SNTG1: variants seen among roughly 807,000 people sequenced by gnomAD.
The protein encoded by SNTG1 is syntrophin gamma 1, also known as gamma-1-syntrophin.
Under a neutral mutation model 74.7 loss-of-function variants are expected in SNTG1, and 39 were observed. The observed-to-expected ratio is 0.52, with a 90% CI of 0.40 to 0.68. The LOEUF is 0.68. Ranked by LOEUF, SNTG1 falls within the 30% of genes least tolerant of loss-of-function variation. The pLI is 0.00. For synonymous variants in SNTG1, 254 were observed against 217.1 expected (o/e 1.17, Z -1.49); for missense variants, 685 against 609.5 (o/e 1.12, Z -1.30).
chr8:50,221,326 G>A (rs1332467781), intron 2 of SNTG1, among the ~76,000 whole-genome samples: 2 of 151,734 alleles, frequency 1.3e-5, no homozygotes, highest in Non-Finnish European at 2.9e-5. Flanking sequence ...TGCAGTAGAG[G>A]GAAAAAATAG....
intron 1 of SNTG1, among the ~76,000 whole-genome samples, chr8:50,034,854 C>G (rs1585987588): frequency 6.6e-6 from 1 of 152,174 alleles, no homozygotes; most frequent in African/African-American, 2.4e-5. Flanking sequence ...AGTGTTTTAG[C>G]AATTCACCTC....
chr8:50,325,898 G>C (rs780412648), intron 2 of SNTG1, among the ~76,000 whole-genome samples: 1 of 151,872 alleles, frequency 6.6e-6, no homozygotes, highest in Non-Finnish European at 1.5e-5. Flanking sequence ...AGTTCAGGAG[G>C]TTTTCCTCTA....
intron 12 of SNTG1, among the ~76,000 whole-genome samples, chr8:50,554,853 T>C (rs2094446887): frequency 6.6e-6 from 1 of 152,184 alleles, no homozygotes; most frequent in African/African-American, 2.4e-5. Flanking sequence ...TATGAACTTA[T>C]ATTTGTGAGA....
intron 18 of SNTG1, among the ~76,000 whole-genome samples, chr8:50,774,634 A>G (rs1200757726): frequency 6.6e-6 from 1 of 151,902 alleles, no homozygotes; most frequent in Non-Finnish European, 1.5e-5. Context: ...TAGAAATAAT[A>G]AAAACACCAT....
chr8:50,078,232 A>G (rs1237394987), intron 1 of SNTG1, among the ~76,000 whole-genome samples: 1 of 152,072 alleles, frequency 6.6e-6, no homozygotes, highest in Non-Finnish European at 1.5e-5. Context: ...TTTTCTTTTC[A>G]TTTCAAAATT....
At chr8:50,548,990 G>A (rs867698268) in intron 11 of SNTG1, among the ~76,000 whole-genome samples, 4 of 152,098 alleles carry the variant, frequency 2.6e-5, no homozygotes, top group South Asian at 4.1e-4. Flanking sequence ...TGACTTGCAA[G>A]GACCTCAGAG....
intron 2 of SNTG1, among the ~76,000 whole-genome samples, chr8:50,225,587 C>T (rs2085290467): frequency 1.3e-5 from 2 of 152,232 alleles, no homozygotes; most frequent in East Asian, 1.9e-4. Flanking sequence ...ACCTTGGGCA[C>T]ATGTTCACAG....
intron 2 of SNTG1, among the ~76,000 whole-genome samples, chr8:50,374,497 C>A (rs114003953): frequency 3.3e-5 from 5 of 152,112 alleles, no homozygotes; most frequent in Non-Finnish European, 7.3e-5. Flanking sequence ...TGTTGTAAGG[C>A]GCACAAAAGA....
intron 9 of SNTG1, among the ~76,000 whole-genome samples, chr8:50,515,426 T>G (rs917152107): frequency 8.2e-6 from 1 of 121,440 alleles, no homozygotes; most frequent in Non-Finnish European, 1.6e-5. Context: ...GTTACTCCAG[T>G]GGATCCTGGA....
chr8:50,461,886 G>T (rs2093566385), intron 8 of SNTG1, among the ~76,000 whole-genome samples: 1 of 152,050 alleles, frequency 6.6e-6, no homozygotes, highest in Non-Finnish European at 1.5e-5. Flanking sequence ...TCAAAATCTG[G>T]ATTCTAGATG....
intron 12 of SNTG1, among the ~76,000 whole-genome samples, chr8:50,581,943 GA>G (rs1362123710): frequency 6.6e-6 from 1 of 152,154 alleles, no homozygotes; most frequent in Non-Finnish European, 1.5e-5. Context: ...TAAGATGCTT[GA>G]AGGAGGTTAA....
intron 2 of SNTG1, among the ~76,000 whole-genome samples, chr8:50,264,761 G>A (rs569250282): frequency 3.3e-5 from 5 of 152,046 alleles, no homozygotes; most frequent in African/African-American, 9.6e-5. Flanking sequence ...TAAATAGAGA[G>A]AAGACTTGAA....
intron 12 of SNTG1, among the ~76,000 whole-genome samples, chr8:50,561,058 C>T (rs540704049): frequency 3.9e-4 from 60 of 152,278 alleles, no homozygotes; most frequent in African/African-American, 1.4e-3. Context: ...AATCTCATCA[C>T]AAATTGTAAT....
intron 1 of SNTG1, among the ~76,000 whole-genome samples, chr8:50,106,137 G>A (rs1384991585): frequency 3.9e-5 from 6 of 152,040 alleles, no homozygotes; most frequent in Non-Finnish European, 7.4e-5. Context: ...GAATTTAATT[G>A]ACTAACAGTT....
chr8:50,438,853 G>C (rs1171564615), intron 5 of SNTG1, among the ~76,000 whole-genome samples: 1 of 152,078 alleles, frequency 6.6e-6, no homozygotes, highest in African/African-American at 2.4e-5. Context: ...TCTTTGTCTG[G>C]TTTTTCTGAA....
intron 1 of SNTG1, among the ~76,000 whole-genome samples, chr8:49,999,375 C>G (rs1421339576): frequency 6.6e-6 from 1 of 152,098 alleles, no homozygotes; most frequent in African/African-American, 2.4e-5. Context: ...TGGGTGAGTA[C>G]GGTCTTCTGC....
At chr8:50,102,128 C>T (rs10957773) in intron 1 of SNTG1, among the ~76,000 whole-genome samples, 125,205 of 145,572 alleles carry the variant, frequency 0.86, 53,925 homozygotes, top group East Asian at 0.98. Flanking sequence ...CCTGAGGAAT[C>T]GCCACACTGA....
chr8:50,280,926 G>T (rs1387602462), intron 2 of SNTG1, among the ~76,000 whole-genome samples: 1 of 150,614 alleles, frequency 6.6e-6, no homozygotes, highest in Non-Finnish European at 1.5e-5. Flanking sequence ...GGCCGAGGCG[G>T]GTGGATCATG....
intron 1 of SNTG1, among the ~76,000 whole-genome samples, chr8:50,019,277 A>G (rs1483725788): frequency 6.6e-6 from 1 of 152,074 alleles, no homozygotes. Context: ...TTTCTGATAG[A>G]TTTGAAGAAA....
Sources: gnomAD v4.1 joint callset for allele counts (sites outside exome capture counted in the v4.1 genomes callset) on GRCh38, gnomAD v4.1.1 for gene constraint, MANE v1.5 for transcripts, NCBI Gene and HGNC (gene_info 2026-07-23, HGNC 2026-07-21) for gene names.